BPTF: variants seen among roughly 807,000 people sequenced by gnomAD.
The protein encoded by BPTF is bromodomain PHD finger transcription factor.
Under a neutral mutation model 292.5 loss-of-function variants are expected in BPTF, and 18 were observed. The observed-to-expected ratio is 0.06, with a 90% CI of 0.04 to 0.09. The LOEUF (loss-of-function observed/expected upper bound fraction) is 0.09, where lower values mean the gene tolerates loss of function less well. Ranked by LOEUF, BPTF falls within the 10% of genes least tolerant of loss-of-function variation. The probability of loss-of-function intolerance (pLI) is 1.00; values close to 1 mark genes in which losing one functional copy is unlikely to be tolerated. For synonymous variants in BPTF, 1,225 were observed against 1,251.9 expected (o/e 0.98, Z 0.45); for missense variants, 2,726 against 3,498.7 (o/e 0.78, Z 5.57).
At chr17:67,913,271 A>C in intron 11 of BPTF, 84 bp downstream of exon 11, 1 of 1,460,064 alleles carries the variant, frequency 6.8e-7, no homozygotes, top group Non-Finnish European at 9.2e-7. Context: ...TTAAAAAATG[A>C]GATAATAGAG....
chr17:67,860,297 T>C (rs927612307), intron 2 of BPTF, among the ~76,000 whole-genome samples: 2 of 152,220 alleles, frequency 1.3e-5, no homozygotes, highest in African/African-American at 2.4e-5. Context: ...ACTGTACTTT[T>C]GTGGTAGATT....
chr17:67,959,705 C>A lies in BPTF; in HGVS notation c.8091C>A (p.Gly2697=), dbSNP rs1275115450. The change falls in exon 24 of 28, where the codon GGC becomes GGA. Residue 2697 remains glycine, a synonymous_variant. Coordinates refer to ENST00000306378, the MANE Select transcript of BPTF (RefSeq NM_182641.4). ...PPPPPAVQHT[G]LLSTPTLPAA... is the part of the protein sequence containing the mutation. ...CTCCACCTGCTGTGCAACACACAGG[C>A]CTTCTGTCCACGCCCACCTTACCTG... 1 of 1,578,482 alleles carries A rather than the reference C, an allele frequency of 6.3e-7. No homozygotes were observed. Among genetic ancestry groups the A allele is most frequent in the Non-Finnish European group, 8.6e-7 (1 of 1,166,586 alleles).
chr17:67,961,050 A>G (rs1183669026), intron 24 of BPTF, among the ~76,000 whole-genome samples: 2 of 152,186 alleles, frequency 1.3e-5, no homozygotes, highest in Non-Finnish European at 2.9e-5. Context: ...ACTTTAAGCA[A>G]AATATACTAA....
chr17:67,911,849 G>A lies in BPTF; in HGVS notation c.3965G>A (p.Arg1322Gln), dbSNP rs148169980. The change falls in exon 11 of 28, where the codon CGA (arginine) becomes CAA (glutamine). Residue 1322 changes from arginine (R) to glutamine (Q), a missense_variant. Physicochemically the swap from Arg to Gln is conservative, Grantham distance 43 (BLOSUM62 1). Around this residue, in one of 22 missense-constraint regions of BPTF, gnomAD observed 713 missense variants for 714.9 expected, o/e 1.00. Transcript: ENST00000306378. ...AGCATTTCTGAACAGTTCAGAACTC[G>A]AGAACAAGATGTTGAAGTCTTGGAG... ...NESISEQFRTREQDVEVLEPL... is the reference protein window; with the variant it reads ...NESISEQFRTQEQDVEVLEPL... 2.5e-6 allele frequency: 4 copies of A among 1,613,972 alleles called. No individual in the cohort carries two copies. The highest frequency in any genetic ancestry group is 2.2e-5 in the East Asian group (1 of 44,894).
At chr17:67,831,507 C>G (rs910456362) in intron 1 of BPTF, among the ~76,000 whole-genome samples, 1 of 152,144 alleles carries the variant, frequency 6.6e-6, no homozygotes, top group African/African-American at 2.4e-5. Context: ...TGCTCACCCA[C>G]GGGCGTGTTT....
chr17:67,942,808 T>C (rs1282552653), intron 19 of BPTF, among the ~76,000 whole-genome samples: 1 of 152,200 alleles, frequency 6.6e-6, no homozygotes, highest in Non-Finnish European at 1.5e-5. Context: ...CACACAGAAC[T>C]ATGCAGATGA....
intron 12 of BPTF, among the ~76,000 whole-genome samples, chr17:67,919,044 C>T (rs934201558): frequency 6.6e-6 from 1 of 151,344 alleles, no homozygotes; most frequent in African/African-American, 2.4e-5. Flanking sequence ...TGGTGGTGGG[C>T]TCCTGTAGTC....
rs187203989 is a variant in BPTF, at chr17:67,904,830, G to A, written c.2802G>A (p.Ser934=). ...PGNTNVNYRK[S]LEGTKNNMDE... is the part of the protein sequence containing the mutation. ...ATACTAATGTGAATTACAGAAAGTC[G>A]TTAGAAGGAAGTAAGTAATTAAAAT... Residue 934 remains serine (S), a synonymous_variant, in exon 9 of 28, where the codon TCG becomes TCA. Coordinates refer to ENST00000306378, the MANE Select transcript of BPTF (RefSeq NM_182641.4). 2.4e-5 allele frequency: 39 copies of A among 1,610,734 alleles called. No individual in the cohort carries two copies. The highest frequency in any genetic ancestry group is 2.2e-5 in the Non-Finnish European group (26 of 1,178,066).
intron 7 of BPTF, among the ~76,000 whole-genome samples, chr17:67,900,979 A>T (rs2061795307): frequency 6.6e-6 from 1 of 151,952 alleles, no homozygotes; most frequent in East Asian, 1.9e-4. Flanking sequence ...TGATTGCGCC[A>T]CTGTACTGCA....
Position 67,983,965 on chromosome 17 carries a change from CACTTAA to C in BPTF, c.*1683_*1688del, listed in dbSNP as rs1441235547. On this transcript the variant is annotated 3_prime_UTR_variant, in exon 28 of 28. Coordinates refer to ENST00000306378, the MANE Select transcript of BPTF (RefSeq NM_182641.4). ...CATTCCTTTTTGTACATAAAGATGTCACTTAAACTTATGCTTACAAACTAAAGACTA... is the reference window on the plus strand; with the variant it reads ...CATTCCTTTTTGTACATAAAGATGTCACTTATGCTTACAAACTAAAGACTA... 3.3e-5 allele frequency: 5 copies of C among 152,444 alleles called. No homozygotes were observed. The highest frequency in any genetic ancestry group is 7.2e-5 in the African/African-American group (3 of 41,412). The allele number at this position is 152,444 out of a possible 1,614,324, so 9.4% of individuals were successfully genotyped here.
chr17:67,869,366 G>A (rs1205845301), intron 3 of BPTF, among the ~76,000 whole-genome samples: 1 of 152,064 alleles, frequency 6.6e-6, no homozygotes, highest in Non-Finnish European at 1.5e-5. Flanking sequence ...AACAGGAATG[G>A]GTAATCAAGT....
At chr17:67,966,118 A>G (rs782178124) in intron 25 of BPTF, 15 of 161,150 alleles carry the variant, frequency 9.3e-5, no homozygotes, top group Non-Finnish European at 2.1e-4. Flanking sequence ...TGTCGTTATC[A>G]TAATCAGAAG....
At chr17:67,850,079 A>G (rs1391059994) in intron 1 of BPTF, among the ~76,000 whole-genome samples, 1 of 152,188 alleles carries the variant, frequency 6.6e-6, no homozygotes, top group Admixed American at 6.6e-5. Context: ...ATCAAAACAC[A>G]TTTCTAATGT....
intron 20 of BPTF, 198 bp downstream of exon 20, chr17:67,944,570 C>G (rs2065649779): frequency 5.0e-6 from 3 of 599,256 alleles, no homozygotes; most frequent in African/African-American, 3.7e-5. Flanking sequence ...TACCACCACC[C>G]TCTCCCTCCT....
chr17:67,945,368 G>T, intron 20 of BPTF, 41 bp from the exon 21 acceptor site: 1 of 1,565,260 alleles, frequency 6.4e-7, no homozygotes, highest in Non-Finnish European at 8.6e-7. Flanking sequence ...ACAGTTTTAT[G>T]TTCCAGAGTA....
chr17:67,921,332 C>T (rs1407124047), intron 13 of BPTF, among the ~76,000 whole-genome samples: 2 of 151,720 alleles, frequency 1.3e-5, no homozygotes, highest in Non-Finnish European at 2.9e-5. Context: ...TGAGACCAGC[C>T]TGGCCAACAT....
chr17:67,826,856 G>T (rs1567843707), intron 1 of BPTF, among the ~76,000 whole-genome samples: 1 of 152,106 alleles, frequency 6.6e-6, no homozygotes, highest in Non-Finnish European at 1.5e-5. Context: ...AAAAAAATGC[G>T]TTTTCACACC....
At chr17:67,826,512 A>T (rs2056057183) in intron 1 of BPTF, among the ~76,000 whole-genome samples, 175 bp downstream of exon 1, 1 of 150,956 alleles carries the variant, frequency 6.6e-6, no homozygotes, top group South Asian at 2.1e-4. Context: ...TACAAGAGGA[A>T]AGAGGCGCAT....
At chr17:67,966,499 A>C (rs1252695636) in intron 25 of BPTF, 73 bp from the exon 26 acceptor site, 1 of 1,352,364 alleles carries the variant, frequency 7.4e-7, no homozygotes, top group Non-Finnish European at 1.0e-6. Flanking sequence ...TCATTGATGT[A>C]GTAACTCAAC....
Sources: gnomAD v4.1 joint callset for allele counts (sites outside exome capture counted in the v4.1 genomes callset) on GRCh38, gnomAD v4.1.1 for gene constraint, gnomAD v4.1.1 regional missense constraint, MANE v1.5 for transcripts, NCBI Gene and HGNC (gene_info 2026-07-23, HGNC 2026-07-21) for gene names.